Variants in TOP3A observed in about 807,000 individuals in gnomAD.
The protein encoded by TOP3A is DNA topoisomerase 3-alpha.
Under a neutral mutation model 111.3 loss-of-function variants are expected in TOP3A, and 64 were observed. The observed-to-expected ratio is 0.57, with a 90% CI of 0.47 to 0.71. The LOEUF (loss-of-function observed/expected upper bound fraction) is 0.71, where lower values mean the gene tolerates loss of function less well. Ranked by LOEUF, TOP3A falls within the 30% of genes least tolerant of loss-of-function variation. TOP3A has a pLI of 0.00. For synonymous variants in TOP3A, 484 were observed against 485.1 expected, an observed-to-expected ratio of 1.00 and a Z score of 0.03; for missense variants, 1,104 against 1,285.0, an observed-to-expected ratio of 0.86 and a Z score of 2.15.
intron 15 of TOP3A, among the ~76,000 whole-genome samples, chr17:18,284,179 T>A (rs549191048): frequency 6.6e-6 from 1 of 151,578 alleles, no homozygotes; most frequent in South Asian, 2.1e-4. Flanking sequence ...TTTGTATTTT[T>A]TTTTTTTTTT....
chr17:18,310,873 C>T (rs1195965166), intron 1 of TOP3A, among the ~76,000 whole-genome samples: 2 of 152,186 alleles, frequency 1.3e-5, no homozygotes, highest in African/African-American at 2.4e-5. Context: ...TCCCACCACA[C>T]CACACCCCTA....
At chr17:18,295,011 C>G (rs1245377589) in intron 9 of TOP3A, among the ~76,000 whole-genome samples, 1 of 152,186 alleles carries the variant, frequency 6.6e-6, no homozygotes, top group African/African-American at 2.4e-5. Context: ...AACTGGGAAG[C>G]CAGCAGATTT....
chr17:18,297,791 A>G (rs1230424572), intron 9 of TOP3A, among the ~76,000 whole-genome samples: 16 of 151,986 alleles, frequency 1.1e-4, no homozygotes, highest in African/African-American at 3.6e-4. Flanking sequence ...ACCTCCCAGC[A>G]GCCTGCCTTG....
chr17:18,279,782 G>A (rs1979638887), intron 17 of TOP3A, among the ~76,000 whole-genome samples: 2 of 152,128 alleles, frequency 1.3e-5, no homozygotes, highest in Non-Finnish European at 1.5e-5. Context: ...AGACCTCTAG[G>A]ATCAAGCGAT....
intron 6 of TOP3A, 36 bp downstream of exon 6, chr17:18,302,544 A>G: frequency 6.2e-7 from 1 of 1,607,820 alleles, no homozygotes. Flanking sequence ...ACACAACATT[A>G]ATGTGGCCAT....
At chr17:18,288,632 C>T (rs1980276113) in intron 13 of TOP3A, among the ~76,000 whole-genome samples, 1 of 152,104 alleles carries the variant, frequency 6.6e-6, no homozygotes, top group African/African-American at 2.4e-5. Flanking sequence ...TATGGCCACC[C>T]CCCTCCAATC....
At chr17:18,298,911 C>T (rs758984283) in intron 9 of TOP3A, among the ~76,000 whole-genome samples, 23 of 151,858 alleles carry the variant, frequency 1.5e-4, no homozygotes, top group Middle Eastern at 3.4e-3. Context: ...GGGACACAAA[C>T]ACTGCGGAAG....
intron 15 of TOP3A, among the ~76,000 whole-genome samples, chr17:18,283,516 T>C (rs1306804451): frequency 6.6e-6 from 1 of 152,206 alleles, no homozygotes; most frequent in Non-Finnish European, 1.5e-5. Flanking sequence ...TTATCTTCTA[T>C]TACAGTCTCA....
At chr17:18,276,138 C>T (rs1979358449) in intron 18 of TOP3A, among the ~76,000 whole-genome samples, 1 of 152,160 alleles carries the variant, frequency 6.6e-6, no homozygotes, top group African/African-American at 2.4e-5. Context: ...GACTTTCATG[C>T]CGGCCCTTTT....
intron 1 of TOP3A, among the ~76,000 whole-genome samples, chr17:18,309,384 G>A (rs915455525): frequency 2.6e-5 from 4 of 152,048 alleles, no homozygotes; most frequent in African/African-American, 7.2e-5. Context: ...AATTAAAAAC[G>A]CATTCAAATA....
chr17:18,306,778 G>A, intron 4 of TOP3A, 113 bp downstream of exon 4: 1 of 739,640 alleles, frequency 1.4e-6, no homozygotes, highest in Non-Finnish European at 2.3e-6. Flanking sequence ...AATCATGGTA[G>A]TGACTTTGGT....
At chr17:18,301,504 T>C (rs9898548) in intron 8 of TOP3A, among the ~76,000 whole-genome samples, 4,583 of 152,316 alleles carry the variant, frequency 0.03, 218 homozygotes, top group African/African-American at 0.098. Context: ...TGACTTTCAC[T>C]TCTCTAGATG....
chr17:18,298,009 G>GGAAGTGAGGAGCGTCT (rs1321445741), intron 9 of TOP3A, among the ~76,000 whole-genome samples: 2 of 151,342 alleles, frequency 1.3e-5, no homozygotes, highest in Non-Finnish European at 2.9e-5. Context: ...ATCCCATCTG[G>GGAAGTGAGGAGCGTCT]GAAGTGAGGA....
intron 13 of TOP3A, among the ~76,000 whole-genome samples, chr17:18,289,427 G>A (rs1164001306): frequency 6.6e-6 from 1 of 152,094 alleles, no homozygotes; most frequent in African/African-American, 2.4e-5. Flanking sequence ...GGTGCCCACC[G>A]CCATGCCTGG....
At chr17:18,282,907 T>G in intron 15 of TOP3A, 66 bp from the exon 16 acceptor site, 2 of 1,592,906 alleles carry the variant, frequency 1.3e-6, no homozygotes, top group African/African-American at 1.3e-5. Flanking sequence ...TACAACACTC[T>G]TACATGCACA....
At position 18,278,100 on chromosome 17, in the gene TOP3A, G is replaced by A; in HGVS notation, c.2402C>T (p.Pro801Leu). The A allele has an allele frequency of 6.2e-7, 1 of 1,614,242 alleles. No individual in the cohort carries two copies. The highest frequency in any genetic ancestry group is 2.2e-5 in the East Asian group (1 of 44,880). ...SSKALAQTLPPPTAAGESNSV... is the reference protein window; with the variant it reads ...SSKALAQTLPLPTAAGESNSV... ...ATTGCTTTCACCAGCAGCCGTGGGT[G>A]GTGGGAGGGTCTGGGCCAGAGCCTT... The change falls in exon 18 of 19, where the codon CCA becomes CTA. Residue 801 changes from proline (P) to leucine (L), a missense_variant. By Grantham distance (98) the Pro-to-Leu change is moderately conservative. Coordinates refer to ENST00000321105, the MANE Select transcript of TOP3A (RefSeq NM_004618.5).
intron 9 of TOP3A, among the ~76,000 whole-genome samples, chr17:18,297,489 T>TCTCC (rs1980894886): frequency 6.6e-6 from 1 of 152,080 alleles, no homozygotes; most frequent in African/African-American, 2.4e-5. Flanking sequence ...ACGGTCTCCC[T>TCTCC]CTGATGCCGA....
In TOP3A at chr17:18,281,627, TG is replaced by T. The variant is rs548844758; in HGVS notation, c.2022-970del. Among the ~76,000 whole-genome samples the T allele has an allele frequency of 5.3e-5, 8 of 152,324 alleles. No homozygotes were observed. The South Asian group carries it at 1.7e-3, about 32-fold the overall frequency. ...CATTGGGCTAAGCCTAGAGTGGCAC[TG>T]GCTTCTGTCTGTGAGTGACGCGAGC... On this transcript the variant is annotated intron_variant, in intron 16 of 18. Coordinates refer to ENST00000321105, the MANE Select transcript of TOP3A (RefSeq NM_004618.5).
chr17:18,274,833 T>C lies in TOP3A; in HGVS notation c.2975A>G (p.His992Arg). Residue 992 changes from histidine (H) to arginine (R), a missense_variant, in exon 19 of 19, where the codon CAC (histidine) becomes CGC (arginine). By Grantham distance (29) the His-to-Arg change is conservative (BLOSUM62 0). Coordinates refer to ENST00000321105, the MANE Select transcript of TOP3A (RefSeq NM_004618.5). The stretch of plus-strand genomic sequence containing the variant: ...GTTCTGAGGACAAAAGGGACGGGTG[T>C]GTCCAGGCTGGTGGCAAAGGCTGCA... ...RKCSLCHQPG[H>R]TRPFCPQNR 1 of 1,614,190 alleles carries C rather than the reference T, an allele frequency of 6.2e-7. No individual in the cohort carries two copies. The highest frequency in any genetic ancestry group is 1.1e-5 in the South Asian group (1 of 91,080).
Sources: allele counts gnomAD v4.1 joint callset (sites outside exome capture counted in the v4.1 genomes callset), GRCh38; gene constraint gnomAD v4.1.1; transcripts MANE v1.5; gene names NCBI Gene and HGNC (gene_info 2026-07-23, HGNC 2026-07-21).